The following TNRC18 variants were observed in gnomAD, a reference collection of about 807,000 sequenced individuals.
The protein encoded by TNRC18 is trinucleotide repeat containing 18.
TNRC18 carries 69 observed loss-of-function variants against 226.7 expected under a neutral mutation model. The observed-to-expected ratio is 0.30, with a 90% CI of 0.25 to 0.37. The LOEUF is 0.37. Among genes scored for constraint, TNRC18 ranks in the 10% least tolerant of loss-of-function variants. The pLI, the probability that TNRC18 is intolerant of heterozygous loss-of-function variation, is 1.00. For missense variants in TNRC18, 4,754 were observed against 4,256.6 expected (o/e 1.12, Z -3.25); for synonymous variants, 2,449 against 1,927.6 (o/e 1.27, Z -7.09).
intron 19 of TNRC18, among the ~76,000 whole-genome samples, chr7:5,329,294 T>G (rs1416836462): frequency 6.6e-6 from 1 of 150,404 alleles, no homozygotes; most frequent in Non-Finnish European, 1.5e-5. Flanking sequence ...TAGGACAGAT[T>G]CTGTCTTTAA....
At chr7:5,339,095 C>T (rs1234853512) in intron 18 of TNRC18, among the ~76,000 whole-genome samples, 1 of 151,838 alleles carries the variant, frequency 6.6e-6, no homozygotes, top group Non-Finnish European at 1.5e-5. Context: ...ATCAGGAGTT[C>T]GAGACCAGCC....
intron 26 of TNRC18, 26 bp from the exon 27 acceptor site, chr7:5,313,889 T>C: frequency 7.0e-7 from 1 of 1,425,830 alleles, no homozygotes. Context: ...GATGAGAAGC[T>C]GGGGCGGGGG....
At chr7:5,308,841 C>A in intron 29 of TNRC18, 34 bp downstream of exon 29, 12 of 1,094,654 alleles carry the variant, frequency 1.1e-5, no homozygotes, top group Non-Finnish European at 1.5e-5. Flanking sequence ...CAGCCATCCC[C>A]AACCCGCCCA....
chr7:5,356,376 G>A (rs1315608064), intron 16 of TNRC18, among the ~76,000 whole-genome samples: 1 of 152,054 alleles, frequency 6.6e-6, no homozygotes, highest in Non-Finnish European at 1.5e-5. Context: ...ACACAGTAAC[G>A]CCAATGAACC....
At chr7:5,411,610 T>C (rs1215678585) in intron 2 of TNRC18, among the ~76,000 whole-genome samples, 3 of 150,724 alleles carry the variant, frequency 2.0e-5, no homozygotes, top group Admixed American at 6.6e-5. Flanking sequence ...CCAGGCATAC[T>C]AGGACCCAAA....
At chr7:5,358,051 CAA>C (rs1223822723) in intron 15 of TNRC18, among the ~76,000 whole-genome samples, 1 of 152,148 alleles carries the variant, frequency 6.6e-6, no homozygotes, top group Non-Finnish European at 1.5e-5. Context: ...GGAAAGGAAT[CAA>C]GATCAAAAAC....
At chr7:5,371,431 C>T (rs1362143450) in intron 10 of TNRC18, 67 bp from the exon 11 acceptor site, 8 of 1,434,162 alleles carry the variant, frequency 5.6e-6, no homozygotes, top group Admixed American at 5.7e-5. Context: ...CACTGACACC[C>T]GCCCACCACC....
rs540280399 is a variant in TNRC18, at chr7:5,410,373, TCTAA to T, written c.187+10683_187+10686del. On this transcript the variant is annotated intron_variant, in intron 2 of 29. Coordinates refer to ENST00000430969, the MANE Select transcript of TNRC18 (RefSeq NM_001080495.3). The stretch of plus-strand genomic sequence containing the variant: ...TGATTAGCCCAGGAGACCCAGGATA[TCTAA>T]CTAATAGGAATACTAGAGAGAATAG... 3.1e-3 allele frequency among the ~76,000 whole-genome samples: 462 copies of T among 147,126 alleles called. 6 individuals carry two copies. Among genetic ancestry groups the T allele is most frequent in the African/African-American group, 0.011 (428 of 40,060 alleles).
intron 10 of TNRC18, 80 bp downstream of exon 10, chr7:5,373,975 C>A: frequency 1.7e-6 from 2 of 1,167,840 alleles, no homozygotes; most frequent in Admixed American, 3.5e-5. Context: ...AACGATCGAA[C>A]GGGTCAATGA....
rs781100792 is a variant in TNRC18, at chr7:5,388,360, T to C, written c.1464A>G (p.Gln488=). 3.2e-6 allele frequency: 5 copies of C among 1,572,526 alleles called. No individual in the cohort carries two copies. The highest frequency in any genetic ancestry group is 1.4e-5 in the African/African-American group (1 of 72,912). The change falls in exon 5 of 30, where the codon CAA becomes CAG. Residue 488 remains glutamine, a synonymous_variant. Transcript: ENST00000430969. ...APRGPAGPAA[Q]QAAKLFGLEP... is the part of the protein sequence containing the mutation. ...CCAGGCCGAAGAGCTTGGCGGCCTGTTGGGCTGCAGGACCGGCTGGGCCGC... is the reference window on the plus strand; with the variant it reads ...CCAGGCCGAAGAGCTTGGCGGCCTGCTGGGCTGCAGGACCGGCTGGGCCGC...
intron 18 of TNRC18, among the ~76,000 whole-genome samples, chr7:5,344,501 G>A (rs573449891): frequency 4.6e-4 from 70 of 152,286 alleles, no homozygotes; most frequent in African/African-American, 1.4e-3. Flanking sequence ...GGAGCCTGGC[G>A]TGGGTGCCAC....
chr7:5,357,747 C>A (rs1792598624), intron 15 of TNRC18, among the ~76,000 whole-genome samples: 3 of 152,156 alleles, frequency 2.0e-5, no homozygotes, highest in African/African-American at 7.2e-5. Flanking sequence ...CCTCAGCCTC[C>A]CAAACTGTTG....
intron 2 of TNRC18, among the ~76,000 whole-genome samples, chr7:5,414,475 C>T (rs1013505706): frequency 3.3e-5 from 5 of 151,748 alleles, no homozygotes; most frequent in East Asian, 3.9e-4. Context: ...TGCAATGGCG[C>T]GATCTCGGCT....
intron 18 of TNRC18, among the ~76,000 whole-genome samples, chr7:5,338,085 G>T (rs542007085): frequency 7.2e-5 from 11 of 152,162 alleles, no homozygotes; most frequent in African/African-American, 2.4e-4. Context: ...GTATGATATG[G>T]ACTTACAAAG....
intron 5 of TNRC18, among the ~76,000 whole-genome samples, chr7:5,381,722 T>C (rs1425067763): frequency 2.0e-5 from 3 of 152,138 alleles, no homozygotes; most frequent in African/African-American, 4.8e-5. Context: ...TCCCAGCACT[T>C]TGGGAGGCCA....
At position 5,309,156 on chromosome 7, in the gene TNRC18, C is replaced by G. The variant is rs374119604; in HGVS notation, c.8601G>C (p.Pro2867=). 1.3e-5 allele frequency: 21 copies of G among 1,611,286 alleles called. No homozygotes were observed. In the East Asian group the frequency reaches 4.2e-4, roughly 33 times the overall value. ...CCTGGCCCTGGTGGAACTGCTTGCC[C>G]GGGCTGGTCTCCTCGGGGTGGTAGA... The part of the protein sequence containing the change: ...KWFYHPEETS[P]GKQFHQGQHW... The change falls in exon 28 of 30, where the codon CCG becomes CCC. Residue 2867 remains proline (P), a synonymous_variant. Transcript: ENST00000430969. The surrounding 1 kb of genome is among the most constrained non-coding windows in gnomAD (Gnocchi z 5.7).
chr7:5,345,660 C>G lies in TNRC18; in HGVS notation c.5621G>C (p.Ser1874Thr), dbSNP rs1268604908. 1.3e-6 allele frequency: 2 copies of G among 1,553,562 alleles called. No individual in the cohort carries two copies. The highest frequency in any genetic ancestry group is 2.4e-5 in the South Asian group (2 of 84,196). Reference protein sequence around the residue: ...GLGLLARFAASALPSPTVGPS... With the variant: ...GLGLLARFAATALPSPTVGPS... Reference sequence around the variant, plus strand: ...ACCCACCGTGGGGCTGGGGAGGGCGCTGGCGGCGAAGCGTGCCAGCAGGCC... The same window carrying G: ...ACCCACCGTGGGGCTGGGGAGGGCGGTGGCGGCGAAGCGTGCCAGCAGGCC... Residue 1874 changes from serine to threonine, a missense_variant, in exon 18 of 30, where the codon AGC becomes ACC. Transcript: ENST00000430969.
chr7:5,399,871 G>A (rs757448072), intron 2 of TNRC18, among the ~76,000 whole-genome samples: 7 of 130,970 alleles, frequency 5.3e-5, no homozygotes, highest in African/African-American at 1.4e-4. Context: ...CCCCCGCCCC[G>A]TCTCTACTAT....
chr7:5,352,091 G>T lies in TNRC18; in HGVS notation c.5198C>A (p.Thr1733Lys), dbSNP rs773445991. ...GAATTCTTCGTCTTCCTCTGAGTCC[G>T]TATCTGCAGTCAAAGTAGTTTTTAA... is the stretch of plus-strand genomic sequence containing the variant. ...ASEVSSYSYN[T>K]DSEEDEEFLK... Residue 1733 changes from threonine (T) to lysine (K), a missense_variant, in exon 17 of 30, where the codon ACG becomes AAG. By Grantham distance (78) the Thr-to-Lys change is moderately conservative. Coordinates refer to ENST00000430969, the MANE Select transcript of TNRC18 (RefSeq NM_001080495.3). 7.5e-6 allele frequency: 12 copies of T among 1,598,468 alleles called. No individual in the cohort carries two copies. Among genetic ancestry groups the T allele is most frequent in the African/African-American group, 4.0e-5 (3 of 74,236 alleles).
Sources: allele counts gnomAD v4.1 joint callset (sites outside exome capture counted in the v4.1 genomes callset), GRCh38; gene constraint gnomAD v4.1.1; non-coding constraint Gnocchi (gnomAD v3.1); transcripts MANE v1.5; gene names NCBI Gene and HGNC (gene_info 2026-07-23, HGNC 2026-07-21).